Variants in PSMD14 observed in about 807,000 individuals in gnomAD.
The protein encoded by PSMD14 is ubiquitin C-terminal hydrolase PSMD14.
Under a neutral mutation model 41.2 loss-of-function variants are expected in PSMD14, and 7 were observed. The observed-to-expected ratio is 0.17, with a 90% CI of 0.10 to 0.32. PSMD14 has a LOEUF of 0.32. Among genes scored for constraint, PSMD14 ranks in the 10% least tolerant of loss-of-function variants. The pLI is 1.00. For synonymous variants in PSMD14, 114 were observed against 122.3 expected (o/e 0.93, Z 0.45); for missense variants, 139 against 375.6 (o/e 0.37, Z 5.21).
intron 10 of PSMD14, among the ~76,000 whole-genome samples, chr2:161,399,145 G>A (rs951051233): frequency 5.3e-5 from 8 of 152,050 alleles, no homozygotes; most frequent in African/African-American, 1.9e-4. Context: ...CCTTTGTGAA[G>A]AAAATGAAAA....
Position 161,408,854 on chromosome 2 carries a change from T to C in PSMD14, c.789T>C (p.Asp263=). 1 of 1,606,578 alleles carries C rather than the reference T, an allele frequency of 6.2e-7. No individual in the cohort carries two copies. The highest frequency in any genetic ancestry group is 8.5e-7 in the Non-Finnish European group (1 of 1,174,438). The change falls in exon 11 of 12, where the codon GAT becomes GAC. Residue 263 remains aspartate (D), a synonymous_variant. Transcript: ENST00000409682. ...ATTCACAGGCTGTAGAAGAAGAAGA[T>C]AAGATGACACCTGAACAGCTGGCAA... ...KNYNKAVEEE[D]KMTPEQLAIK... is the part of the protein sequence containing the mutation.
intron 3 of PSMD14, among the ~76,000 whole-genome samples, chr2:161,356,079 A>G (rs1376259384): frequency 6.6e-6 from 1 of 152,150 alleles, no homozygotes. Flanking sequence ...TTAACTCTAA[A>G]AAGTAACAAG....
At chr2:161,393,215 G>A (rs1387266450) in intron 9 of PSMD14, among the ~76,000 whole-genome samples, 1 of 152,142 alleles carries the variant, frequency 6.6e-6, no homozygotes, top group African/African-American at 2.4e-5. Context: ...GTTTGCTTTT[G>A]AAGTGGTAGG....
intron 7 of PSMD14, among the ~76,000 whole-genome samples, chr2:161,377,301 C>G (rs778335576): frequency 5.3e-5 from 8 of 151,884 alleles, no homozygotes; most frequent in East Asian, 1.9e-4. Context: ...AATCTATTTC[C>G]ATTCCTGACA....
chr2:161,338,804 T>C (rs781606576), intron 3 of PSMD14, among the ~76,000 whole-genome samples: 6 of 152,192 alleles, frequency 3.9e-5, no homozygotes, highest in Non-Finnish European at 8.8e-5. Flanking sequence ...GTGTAGTCCC[T>C]TTCCTTGCAC....
chr2:161,310,949 C>A (rs1199283663), intron 1 of PSMD14, among the ~76,000 whole-genome samples: 2 of 152,274 alleles, frequency 1.3e-5, no homozygotes, highest in East Asian at 3.9e-4. Flanking sequence ...TGAGTCAGCC[C>A]TCCATATCTT....
intron 10 of PSMD14, among the ~76,000 whole-genome samples, chr2:161,398,864 A>C (rs1194930897): frequency 6.6e-6 from 1 of 152,100 alleles, no homozygotes; most frequent in Non-Finnish European, 1.5e-5. Context: ...TGATAAAAAC[A>C]ACAGATATAA....
chr2:161,343,392 A>G (rs1159661303), intron 3 of PSMD14, among the ~76,000 whole-genome samples: 1 of 152,336 alleles, frequency 6.6e-6, no homozygotes, highest in East Asian at 1.9e-4. Flanking sequence ...TCAGAATTGT[A>G]TTCCTTTTTA....
At chr2:161,397,694 T>C (rs1683821189) in intron 10 of PSMD14, among the ~76,000 whole-genome samples, 1 of 152,164 alleles carries the variant, frequency 6.6e-6, no homozygotes, top group African/African-American at 2.4e-5. Context: ...AATAAGACTT[T>C]TGAGAGAACT....
At chr2:161,365,066 A>G (rs1290321976) in intron 3 of PSMD14, among the ~76,000 whole-genome samples, 1 of 152,206 alleles carries the variant, frequency 6.6e-6, no homozygotes, top group African/African-American at 2.4e-5. Flanking sequence ...AGATCGCGCC[A>G]TTGCACTCCA....
At chr2:161,362,953 C>G (rs1254716988) in intron 3 of PSMD14, among the ~76,000 whole-genome samples, 1 of 152,114 alleles carries the variant, frequency 6.6e-6, no homozygotes, top group Non-Finnish European at 1.5e-5. Context: ...TTAGAAACAA[C>G]TCTATTTTTT....
intron 3 of PSMD14, among the ~76,000 whole-genome samples, chr2:161,365,265 T>C (rs556787379): frequency 6.6e-6 from 1 of 152,344 alleles, no homozygotes; most frequent in East Asian, 1.9e-4. Flanking sequence ...TGTGGCTTGC[T>C]TCCTCTCTCT....
At chr2:161,322,478 C>G (rs942272982) in intron 3 of PSMD14, among the ~76,000 whole-genome samples, 2 of 152,168 alleles carry the variant, frequency 1.3e-5, no homozygotes, top group Non-Finnish European at 2.9e-5. Context: ...CAGTCTCGCC[C>G]TCCTGGATTC....
intron 7 of PSMD14, chr2:161,384,355 A>G (rs948947988): frequency 1.3e-5 from 2 of 151,640 alleles, no homozygotes; most frequent in East Asian, 1.9e-4. Flanking sequence ...GTTCTTTAGC[A>G]TACAGCATAC....
Position 161,320,973 on chromosome 2 carries a change from G to A in PSMD14, c.48+2100G>A, listed in dbSNP as rs185970058. Among the ~76,000 whole-genome samples, 679 of 152,232 alleles carry A rather than the reference G, an allele frequency of 4.5e-3. 7 individuals carry two copies. Among genetic ancestry groups the A allele is most frequent in the African/African-American group, 0.015 (641 of 41,542 alleles). On this transcript the variant is annotated intron_variant, in intron 3 of 11. Coordinates refer to ENST00000409682, the MANE Select transcript of PSMD14 (RefSeq NM_005805.6). ...ACTCCTGACCTCAAGTGATCCACCTGCCTCGGCCTCCCAAAGTGCTGGGAT... is the reference window on the plus strand; with the variant it reads ...ACTCCTGACCTCAAGTGATCCACCTACCTCGGCCTCCCAAAGTGCTGGGAT...
intron 3 of PSMD14, among the ~76,000 whole-genome samples, chr2:161,359,499 A>AT (rs901864717): frequency 1.0e-4 from 15 of 149,652 alleles, no homozygotes; most frequent in South Asian, 2.1e-4. Context: ...TAAGGCAAAG[A>AT]TTTTTTTTTT....
At chr2:161,313,485 G>A (rs1397171225) in intron 1 of PSMD14, among the ~76,000 whole-genome samples, 2 of 152,116 alleles carry the variant, frequency 1.3e-5, no homozygotes, top group African/African-American at 4.8e-5. Context: ...CAGTAGCTGG[G>A]ATTACAGGCG....
At chr2:161,395,303 TG>T in intron 10 of PSMD14, 100 bp downstream of exon 10, 1 of 1,147,374 alleles carries the variant, frequency 8.7e-7, no homozygotes, top group Non-Finnish European at 1.2e-6. Flanking sequence ...AATCCTGTTT[TG>T]TAAATAAAAT....
At chr2:161,372,509 G>A (rs550546230) in intron 7 of PSMD14, among the ~76,000 whole-genome samples, 2 of 152,054 alleles carry the variant, frequency 1.3e-5, no homozygotes, top group South Asian at 2.1e-4. Flanking sequence ...CCTATTAGGT[G>A]TGATTTAGCT....
Sources: allele counts gnomAD v4.1 joint callset (sites outside exome capture counted in the v4.1 genomes callset), GRCh38; gene constraint gnomAD v4.1.1; transcripts MANE v1.5; gene names NCBI Gene and HGNC (gene_info 2026-07-23, HGNC 2026-07-21).